TAF1: variants seen among roughly 807,000 people sequenced by gnomAD.
TAF1 encodes the protein transcription initiation factor TFIID subunit 1.
A neutral mutation model predicts 138.5 loss-of-function variants in TAF1; 2 were observed. That is an observed-to-expected ratio of 0.01 (90% CI 0.01 to 0.05). The LOEUF (loss-of-function observed/expected upper bound fraction) is 0.05. Among genes scored for constraint, TAF1 ranks in the 10% least tolerant of loss-of-function variants. The probability of loss-of-function intolerance (pLI) is 1.00; values close to 1 mark genes in which losing one functional copy is unlikely to be tolerated. For missense variants in TAF1, 709 were observed against 1,478.0 expected, an observed-to-expected ratio of 0.48 and a Z score of 8.53; for synonymous variants, 437 against 503.2, an observed-to-expected ratio of 0.87 and a Z score of 1.76.
At chrX:71,503,952 G>A (rs1249065009) in intron 13 of TAF1, among the ~76,000 whole-genome samples, 1 of 110,885 alleles carries the variant, frequency 9.0e-6, no homozygotes, top group Non-Finnish European at 1.9e-5. Flanking sequence ...AGGTGTTGCT[G>A]TACAGGTATT....
chrX:71,375,495 G>A (rs1602452926), intron 4 of TAF1, among the ~76,000 whole-genome samples: 1 of 111,066 alleles, frequency 9.0e-6, no homozygotes, highest in East Asian at 2.8e-4. Context: ...TCAAGAAATA[G>A]TAGTTTAGTC....
intron 34 of TAF1, 40 bp downstream of exon 34, chrX:71,454,897 T>C: frequency 5.8e-6 from 7 of 1,203,096 alleles, no homozygotes; most frequent in Non-Finnish European, 7.9e-6. Context: ...ATAGTTTTCT[T>C]ATTGGTTTGG....
downstream of TAF1, among the ~76,000 whole-genome samples, chrX:71,468,536 A>C (rs958997524): frequency 9.2e-5 from 10 of 108,297 alleles, no homozygotes; most frequent in African/African-American, 3.4e-4. Context: ...AAATACAAAA[A>C]TTAGCTGGGC....
intron 28 of TAF1, chrX:71,420,594 G>A: frequency 8.3e-7 from 1 of 1,209,000 alleles, no homozygotes; most frequent in Non-Finnish European, 1.1e-6. Context: ...AGCTCCTTTA[G>A]CTTCTCAGCT....
intron 32 of TAF1, among the ~76,000 whole-genome samples, chrX:71,426,952 C>T (rs1035667431): frequency 1.8e-5 from 2 of 111,745 alleles, no homozygotes; most frequent in African/African-American, 6.5e-5. Context: ...AATTATCTGG[C>T]GTACTGAGGT....
At chrX:71,379,387 T>A (rs2033715296) in intron 8 of TAF1, among the ~76,000 whole-genome samples, 1 of 108,866 alleles carries the variant, frequency 9.2e-6, no homozygotes, top group East Asian at 2.9e-4. Flanking sequence ...AGTGCTGGGA[T>A]TACAGGTGTG....
intron 13 of TAF1, among the ~76,000 whole-genome samples, chrX:71,505,787 G>A (rs1213259909): frequency 1.8e-5 from 2 of 111,545 alleles, no homozygotes; most frequent in East Asian, 2.8e-4. Flanking sequence ...TTGGGAGGCC[G>A]AGGCAGGTGG....
intron 37 of TAF1, 72 bp from the exon 38 acceptor site, chrX:71,463,752 G>T: frequency 9.8e-7 from 1 of 1,023,464 alleles, no homozygotes; most frequent in South Asian, 2.0e-5. Context: ...ATCCTTTGGT[G>T]GCACTGAGAA....
chrX:71,486,310 A>C (rs2039170349), intron 13 of TAF1, among the ~76,000 whole-genome samples: 1 of 111,052 alleles, frequency 9.0e-6, no homozygotes, highest in African/African-American at 3.3e-5. Flanking sequence ...TCGGCCTCCC[A>C]AAGTGCTGGG....
At chrX:71,398,111 G>A (rs1233956680) in intron 23 of TAF1, among the ~76,000 whole-genome samples, 9 of 111,320 alleles carry the variant, frequency 8.1e-5, no homozygotes, top group East Asian at 2.8e-4. Flanking sequence ...AGGCTGAGGC[G>A]GGCGGATCAC....
At chrX:71,436,655 A>G (rs978634623) in intron 32 of TAF1, among the ~76,000 whole-genome samples, 37 of 111,231 alleles carry the variant, frequency 3.3e-4, no homozygotes, top group Non-Finnish European at 6.8e-4. Flanking sequence ...CCAAAATGCT[A>G]CCTTTATAAT....
chrX:71,478,310 C>T lies in TAF1; in HGVS notation c.1366+17507C>T, dbSNP rs763579337. The stretch of plus-strand genomic sequence containing the variant: ...TGGAGGTTGCAGTGAGCCAAGATCA[C>T]GCCACTGCACTCCAGCCTGGGCAAC... On this transcript the variant is annotated intron_variant and NMD_transcript_variant, in intron 13 of 14. Transcript: ENST00000373775. Among the ~76,000 whole-genome samples, 140 of 110,833 alleles carry T rather than the reference C, an allele frequency of 1.3e-3. 1 individual carries two copies. The highest frequency in any genetic ancestry group is 2.0e-3 in the Non-Finnish European group (108 of 52,943).
At chrX:71,396,359 A>T (rs2034852115) in intron 22 of TAF1, among the ~76,000 whole-genome samples, 1 of 104,891 alleles carries the variant, frequency 9.5e-6, no homozygotes, top group Admixed American at 1.0e-4. Context: ...CAGTGGTGCA[A>T]CCATGGCTTG....
At chrX:71,427,702 G>A (rs764973713) in intron 32 of TAF1, among the ~76,000 whole-genome samples, 1 of 111,558 alleles carries the variant, frequency 9.0e-6, no homozygotes, top group East Asian at 2.8e-4. Flanking sequence ...ACTTTGGGAG[G>A]CTGAGGCAGA....
chrX:71,367,982 T>C, intron 2 of TAF1, 72 bp from the exon 3 acceptor site: 1 of 1,097,084 alleles, frequency 9.1e-7, no homozygotes, highest in Non-Finnish European at 1.3e-6. Context: ...GTACATGTAC[T>C]TTTAAATGGG....
intron 32 of TAF1, among the ~76,000 whole-genome samples, chrX:71,444,675 G>C (rs1334350326): frequency 9.0e-6 from 1 of 111,556 alleles, no homozygotes; most frequent in African/African-American, 3.3e-5. Flanking sequence ...GCTGACCCAG[G>C]AGGTCAAGGC....
Position 71,492,472 on chromosome X carries a change from G to T in TAF1, c.1366+31669G>T, listed in dbSNP as rs76395257. 6.3e-3 allele frequency: 787 copies of T among 125,909 alleles called. 10 individuals carry two copies. The highest frequency in any genetic ancestry group is 0.024 in the African/African-American group (761 of 31,197). The allele number at this position is 125,909 out of a possible 1,213,427, so 10.4% of individuals were successfully genotyped here. Reference sequence around the variant, plus strand: ...TTTGCTGTTGGACTTCTCCGCCTGCGCGTCCGCCTCGCCCCTGGGCCTGTC... The same window carrying T: ...TTTGCTGTTGGACTTCTCCGCCTGCTCGTCCGCCTCGCCCCTGGGCCTGTC... On this transcript the variant is annotated intron_variant and NMD_transcript_variant, in intron 13 of 14. Coordinates refer to the TAF1 transcript ENST00000373775.
At chrX:71,426,843 C>T (rs768723748) in intron 32 of TAF1, among the ~76,000 whole-genome samples, 25 of 111,638 alleles carry the variant, frequency 2.2e-4, no homozygotes, top group South Asian at 7.5e-4. Context: ...TGAGTTTGTA[C>T]TTGATCCTAA....
At chrX:71,468,513 C>G (rs1222568660), downstream of TAF1, among the ~76,000 whole-genome samples, 1 of 108,431 alleles carries the variant, frequency 9.2e-6, no homozygotes, top group Admixed American at 1.0e-4. Context: ...TGGTGAAACC[C>G]CGTCTCTACT....
Sources: gnomAD v4.1 joint callset for allele counts (sites outside exome capture counted in the v4.1 genomes callset) on GRCh38, gnomAD v4.1.1 for gene constraint, MANE v1.5 for transcripts, NCBI Gene and HGNC (gene_info 2026-07-23, HGNC 2026-07-21) for gene names.